The following OXSR1 variants were observed in gnomAD, a reference collection of about 807,000 sequenced individuals.
OXSR1 encodes serine/threonine-protein kinase OSR1.
OXSR1 carries 24 observed loss-of-function variants against 79.8 expected under a neutral mutation model. The observed-to-expected ratio is 0.30, with a 90% CI of 0.22 to 0.42. OXSR1 has a LOEUF of 0.42. Among genes scored for constraint, OXSR1 ranks in the 10% least tolerant of loss-of-function variants. OXSR1 has a pLI of 1.00. For missense variants in OXSR1, 430 were observed against 618.4 expected (o/e 0.70, Z 3.23); for synonymous variants, 226 against 209.2 (o/e 1.08, Z -0.69).
intron 4 of OXSR1, among the ~76,000 whole-genome samples, chr3:38,209,746 C>T (rs572739655): frequency 9.2e-5 from 14 of 151,920 alleles, no homozygotes; most frequent in Admixed American, 4.6e-4. Flanking sequence ...GCGTCAGCCT[C>T]CCGAGTAGCT....
intron 11 of OXSR1, among the ~76,000 whole-genome samples, chr3:38,238,566 G>C (rs1449050446): frequency 2.0e-5 from 3 of 152,052 alleles, no homozygotes; most frequent in African/African-American, 7.2e-5. Flanking sequence ...TTGAGAATGT[G>C]TGTTTGTAGG....
rs35716483 is a variant in OXSR1 at position 38,253,788 on chromosome 3, G to A, written c.*897G>A. ...AATCAGTTCGCCTGGCCTCCAAGTCGTGAGGAAATGGGTATGCAAGGCTGA... is the reference window on the plus strand; with the variant it reads ...AATCAGTTCGCCTGGCCTCCAAGTCATGAGGAAATGGGTATGCAAGGCTGA... On this transcript the variant is annotated 3_prime_UTR_variant, in exon 18 of 18. Transcript: ENST00000311806. The A allele has an allele frequency of 6.5e-3, 1,149 of 178,028 alleles. 14 individuals carry two copies. Among genetic ancestry groups the A allele is most frequent in the African/African-American group, 0.025 (1,087 of 42,710 alleles). The allele number at this position is 178,028 out of a possible 1,614,324, so 11.0% of individuals were successfully genotyped here.
intron 10 of OXSR1, among the ~76,000 whole-genome samples, chr3:38,231,653 C>T (rs1222368613): frequency 6.6e-6 from 1 of 152,142 alleles, no homozygotes; most frequent in Admixed American, 6.6e-5. Context: ...GCTGTATCTT[C>T]AGTGTGCCTA....
intron 4 of OXSR1, among the ~76,000 whole-genome samples, chr3:38,214,239 G>C (rs530250830): frequency 6.7e-6 from 1 of 149,842 alleles, no homozygotes; most frequent in African/African-American, 2.5e-5. Context: ...TGTAATAGTT[G>C]TTAAAAATTT....
chr3:38,221,828 A>T, intron 6 of OXSR1, 141 bp downstream of exon 6: 1 of 517,988 alleles, frequency 1.9e-6, no homozygotes, highest in East Asian at 3.0e-5. Context: ...ATTTTAGTCC[A>T]CCCTTGAAAA....
intron 5 of OXSR1, among the ~76,000 whole-genome samples, chr3:38,220,405 C>T (rs9820336): frequency 0.14 from 20,766 of 151,722 alleles, 1,820 homozygotes; most frequent in Middle Eastern, 0.27. Flanking sequence ...GAAAATAGAA[C>T]AAATTATGGA....
intron 8 of OXSR1, among the ~76,000 whole-genome samples, chr3:38,228,076 C>CT (rs1440442586): frequency 3.3e-5 from 5 of 152,184 alleles, no homozygotes; most frequent in Admixed American, 3.3e-4. Flanking sequence ...GCCTGTTGCT[C>CT]TGACTACTGT....
chr3:38,243,148 C>G (rs2125851489), intron 12 of OXSR1, among the ~76,000 whole-genome samples: 1 of 151,984 alleles, frequency 6.6e-6, no homozygotes, highest in Non-Finnish European at 1.5e-5. Flanking sequence ...ATCCTTCCAC[C>G]TCAGCCTCCT....
At chr3:38,224,389 G>T (rs548066432) in intron 7 of OXSR1, among the ~76,000 whole-genome samples, 182 bp from the exon 8 acceptor site, 1 of 152,302 alleles carries the variant, frequency 6.6e-6, no homozygotes, top group East Asian at 1.9e-4. Context: ...ATCTACAGCA[G>T]ATTATTTACG....
intron 2 of OXSR1, among the ~76,000 whole-genome samples, chr3:38,188,529 G>T (rs1701925402): frequency 6.6e-6 from 1 of 152,118 alleles, no homozygotes; most frequent in African/African-American, 2.4e-5. Flanking sequence ...CACTCACATG[G>T]TGGCAACAGC....
At chr3:38,248,815 A>G (rs918557167) in intron 14 of OXSR1, among the ~76,000 whole-genome samples, 3 of 152,210 alleles carry the variant, frequency 2.0e-5, no homozygotes, top group African/African-American at 7.2e-5. Context: ...TTAAATCTAC[A>G]TAAAGAATAA....
intron 1 of OXSR1, among the ~76,000 whole-genome samples, chr3:38,176,220 G>A (rs756125465): frequency 6.6e-6 from 1 of 152,114 alleles, no homozygotes; most frequent in African/African-American, 2.4e-5. Context: ...AAGAATGATG[G>A]TAAACCCAGT....
chr3:38,241,428 G>T (rs909960639), intron 11 of OXSR1, among the ~76,000 whole-genome samples: 4 of 152,130 alleles, frequency 2.6e-5, no homozygotes, highest in African/African-American at 9.7e-5. Context: ...AAGGACATTA[G>T]TGTTGACATT....
At chr3:38,175,444 C>T (rs548463527) in intron 1 of OXSR1, among the ~76,000 whole-genome samples, 8 of 152,240 alleles carry the variant, frequency 5.3e-5, no homozygotes, top group African/African-American at 1.7e-4. Flanking sequence ...GGACTACAGG[C>T]GTGTGCCACC....
intron 4 of OXSR1, among the ~76,000 whole-genome samples, chr3:38,199,950 C>T (rs1208950759): frequency 1.3e-5 from 2 of 152,192 alleles, no homozygotes; most frequent in Admixed American, 6.5e-5. Flanking sequence ...AGGCTCTTCC[C>T]TTGGGCCCCT....
chr3:38,226,019 C>G (rs1344269294), intron 8 of OXSR1, among the ~76,000 whole-genome samples: 2 of 152,122 alleles, frequency 1.3e-5, no homozygotes, highest in African/African-American at 4.8e-5. Flanking sequence ...CCTGGACATT[C>G]CACAGGTTTA....
Position 38,254,398 on chromosome 3 carries a change from G to A in OXSR1, c.*1507G>A. 1 of 392,562 alleles carries A rather than the reference G, an allele frequency of 2.5e-6. No individual in the cohort carries two copies. 24.3% of individuals were successfully genotyped at this position (392,562 alleles called of 1,614,324 possible). A position where few individuals can be genotyped will look rare whatever the true frequency, so the allele number is the denominator to read the frequency against. Reference sequence around the variant, plus strand: ...TTCTTCACCTGCTCTAGGTGCAAAGGCATGTTGGGAAAGAGATGGATGTTG... The same window carrying A: ...TTCTTCACCTGCTCTAGGTGCAAAGACATGTTGGGAAAGAGATGGATGTTG... On this transcript the variant is annotated 3_prime_UTR_variant, in exon 18 of 18. Transcript: ENST00000311806.
chr3:38,167,763 G>T (rs1444437572), intron 1 of OXSR1, among the ~76,000 whole-genome samples: 1 of 152,154 alleles, frequency 6.6e-6, no homozygotes, highest in Non-Finnish European at 1.5e-5. Flanking sequence ...GCTAGTTCCC[G>T]GTCTGGACTG....
intron 15 of OXSR1, among the ~76,000 whole-genome samples, chr3:38,250,994 A>G (rs753274344): frequency 6.6e-6 from 1 of 152,234 alleles, no homozygotes; most frequent in Non-Finnish European, 1.5e-5. Context: ...AGAAAAGCCC[A>G]CCAGAATAAA....
Sources: allele counts gnomAD v4.1 joint callset (sites outside exome capture counted in the v4.1 genomes callset), GRCh38; gene constraint gnomAD v4.1.1; transcripts MANE v1.5; gene names NCBI Gene and HGNC (gene_info 2026-07-23, HGNC 2026-07-21).